The following SLC35F4 variants were observed in gnomAD, a reference collection of about 807,000 sequenced individuals.
The protein encoded by SLC35F4 is chromosome 14 open reading frame 36.
A neutral mutation model predicts 44.2 loss-of-function variants in SLC35F4; 24 were observed. That is an observed-to-expected ratio of 0.54 (90% CI 0.39 to 0.76). The LOEUF is 0.76. Among genes scored for constraint, SLC35F4 ranks in the 30% least tolerant of loss-of-function variants. SLC35F4 has a pLI of 0.00. For missense variants in SLC35F4, 562 were observed against 586.1 expected (o/e 0.96, Z 0.42); for synonymous variants, 238 against 223.6 (o/e 1.06, Z -0.57).
At chr14:57,678,380 A>T (rs1254227765) in intron 1 of SLC35F4, among the ~76,000 whole-genome samples, 2 of 152,076 alleles carry the variant, frequency 1.3e-5, no homozygotes, top group Non-Finnish European at 2.9e-5. Context: ...GGCACTAAAC[A>T]TGGAAAGGAA....
At chr14:57,624,674 C>T (rs563097254) in intron 1 of SLC35F4, among the ~76,000 whole-genome samples, 7 of 152,134 alleles carry the variant, frequency 4.6e-5, no homozygotes, top group Non-Finnish European at 1.0e-4. Flanking sequence ...AAACATAATC[C>T]AGCACATAAA....
At chr14:57,577,669 T>A (rs8009683) in intron 4 of SLC35F4, among the ~76,000 whole-genome samples, 66,633 of 149,986 alleles carry the variant, frequency 0.44, 14,767 homozygotes, top group South Asian at 0.5. Context: ...GAACCTTTTT[T>A]TAAAAAAAAA....
Position 57,589,453 on chromosome 14 carries a change from C to G in SLC35F4, c.350G>C (p.Arg117Pro), listed in dbSNP as rs763183127. Reference protein sequence around the residue: ...NSSQENRIKARCLSCTSMVLK... With the variant: ...NSSQENRIKAPCLSCTSMVLK... The stretch of plus-strand genomic sequence containing the variant: ...AACCATGGACGTGCAGGACAGGCAG[C>G]GAGCCTTGATTCTGTTTTCTTGGCT... Residue 117 changes from arginine (R) to proline (P), a missense_variant, in exon 3 of 8, where the codon CGC (arginine) becomes CCC (proline). Physicochemically the swap from Arg to Pro is moderately radical, Grantham distance 103. Transcript: ENST00000556826. 5 of 1,613,630 alleles carry G rather than the reference C, an allele frequency of 3.1e-6. No homozygotes were observed. The Admixed American group carries it at 8.3e-5, about 27-fold the overall frequency.
At chr14:57,864,285 GA>G (rs1887936380) in intron 1 of SLC35F4, among the ~76,000 whole-genome samples, 1 of 152,152 alleles carries the variant, frequency 6.6e-6, no homozygotes, top group African/African-American at 2.4e-5. Context: ...AATAAAAAAG[GA>G]GAAGTTTTTG....
At chr14:57,865,192 C>T (rs1888032418) in intron 1 of SLC35F4, among the ~76,000 whole-genome samples, 1 of 152,104 alleles carries the variant, frequency 6.6e-6, no homozygotes. Context: ...GAGTAACTCC[C>T]GCGCTGGCAG....
intron 1 of SLC35F4, among the ~76,000 whole-genome samples, chr14:57,660,475 A>C (rs941290346): frequency 6.7e-6 from 1 of 150,108 alleles, no homozygotes; most frequent in Non-Finnish European, 1.5e-5. Flanking sequence ...CTAGCCACCA[A>C]GATGGCCCCC....
chr14:57,917,253 G>A (rs977877719), intron 1 of SLC35F4, among the ~76,000 whole-genome samples: 1 of 152,104 alleles, frequency 6.6e-6, no homozygotes, highest in East Asian at 1.9e-4. Flanking sequence ...TAGAGATGGG[G>A]TTTCACCATG....
At chr14:57,920,166 T>C (rs1002087116) in intron 1 of SLC35F4, among the ~76,000 whole-genome samples, 8 of 152,228 alleles carry the variant, frequency 5.3e-5, no homozygotes, top group Non-Finnish European at 7.3e-5. Flanking sequence ...TATTTAACCA[T>C]GCTAGTTCAA....
intron 1 of SLC35F4, among the ~76,000 whole-genome samples, chr14:57,864,564 C>T (rs1175251742): frequency 1.3e-5 from 2 of 152,132 alleles, no homozygotes; most frequent in Non-Finnish European, 2.9e-5. Flanking sequence ...GAGAAAGTTA[C>T]ATGAAAAAAT....
At chr14:57,748,359 G>A (rs186566942) in intron 1 of SLC35F4, among the ~76,000 whole-genome samples, 65 of 152,052 alleles carry the variant, frequency 4.3e-4, no homozygotes, top group Non-Finnish European at 3.7e-4. Context: ...TATATTTACC[G>A]CCACAGTCAA....
At chr14:57,751,631 T>G (rs940692595) in intron 1 of SLC35F4, among the ~76,000 whole-genome samples, 2 of 152,178 alleles carry the variant, frequency 1.3e-5, no homozygotes, top group African/African-American at 4.8e-5. Flanking sequence ...AATATTTGAT[T>G]AAGGCTCCTT....
intron 1 of SLC35F4, among the ~76,000 whole-genome samples, chr14:57,689,481 C>A (rs892941425): frequency 3.3e-5 from 5 of 151,990 alleles, no homozygotes; most frequent in African/African-American, 9.7e-5. Flanking sequence ...GCAGGAAGAA[C>A]AAAAAAACCC....
At chr14:57,820,309 A>G (rs1442345831) in intron 1 of SLC35F4, among the ~76,000 whole-genome samples, 3 of 152,200 alleles carry the variant, frequency 2.0e-5, no homozygotes, top group Non-Finnish European at 2.9e-5. Context: ...ATTATTACTG[A>G]TCGCTCTAAA....
Position 57,763,314 on chromosome 14 carries a change from G to A in SLC35F4, c.103+102409C>T, listed in dbSNP as rs545789303. On this transcript the variant is annotated intron_variant, in intron 1 of 7. Transcript: ENST00000556826. ...TCTCTAGCTTATTTGTTGACAAAAG[G>A]TATAAAGATAAAGAAATTTGTTTTC... Among the ~76,000 whole-genome samples the A allele has an allele frequency of 5.3e-5, 8 of 152,222 alleles. No individual in the cohort carries two copies. In the South Asian group the frequency reaches 8.3e-4, roughly 16 times the overall value.
At chr14:57,640,715 G>A (rs2073189420) in intron 1 of SLC35F4, among the ~76,000 whole-genome samples, 1 of 151,944 alleles carries the variant, frequency 6.6e-6, no homozygotes, top group African/African-American at 2.4e-5. Flanking sequence ...TATCATTTTG[G>A]ATAGCATATT....
intron 1 of SLC35F4, among the ~76,000 whole-genome samples, chr14:57,711,664 C>T (rs950596837): frequency 7.9e-5 from 12 of 152,170 alleles, no homozygotes; most frequent in African/African-American, 2.9e-4. Flanking sequence ...TCTATAGTCA[C>T]AGTCAATAAT....
At chr14:57,952,056 G>T (rs566904393) in intron 1 of SLC35F4, among the ~76,000 whole-genome samples, 1 of 152,296 alleles carries the variant, frequency 6.6e-6, no homozygotes, top group Admixed American at 6.5e-5. Flanking sequence ...TATCTGATGG[G>T]TGCCCCTCTG....
chr14:57,857,790 T>C (rs73291491), intron 1 of SLC35F4, among the ~76,000 whole-genome samples: 12,785 of 152,000 alleles, frequency 0.084, 642 homozygotes, highest in Middle Eastern at 0.15. Flanking sequence ...GGACAGCACA[T>C]TTAAACTGCA....
intron 1 of SLC35F4, among the ~76,000 whole-genome samples, chr14:57,773,826 A>G (rs2077425857): frequency 6.6e-6 from 1 of 152,164 alleles, no homozygotes; most frequent in African/African-American, 2.4e-5. Context: ...AGAAGTTCGT[A>G]CTAACTCTAG....
Sources: allele counts gnomAD v4.1 joint callset (sites outside exome capture counted in the v4.1 genomes callset), GRCh38; gene constraint gnomAD v4.1.1; transcripts MANE v1.5; gene names NCBI Gene and HGNC (gene_info 2026-07-23, HGNC 2026-07-21).